PSG11: variants seen among roughly 807,000 people sequenced by gnomAD.
PSG11 encodes the protein pregnancy-specific beta-1-glycoprotein 11.
Under a neutral mutation model 36.0 loss-of-function variants are expected in PSG11, and 42 were observed. That is an observed-to-expected ratio of 1.17 (90% CI 0.91 to 1.51). The LOEUF (loss-of-function observed/expected upper bound fraction) is 1.51, where lower values mean the gene tolerates loss of function less well. PSG11 is among the 40% of genes most tolerant of loss of function. The pLI is 0.00. For missense variants in PSG11, 558 were observed against 403.5 expected (o/e 1.38, Z -3.28); for synonymous variants, 206 against 153.5 (o/e 1.34, Z -2.53).
chr19:43,014,610 G>C, intron 4 of PSG11: 1 of 1,043,628 alleles, frequency 9.6e-7, no homozygotes, highest in African/African-American at 1.7e-5. Context: ...AGTGAGGCAG[G>C]GCCAGTCACC....
chr19:43,026,177 G>C, intron 1 of PSG11, 132 bp downstream of exon 1: 1 of 1,388,090 alleles, frequency 7.2e-7, no homozygotes. Flanking sequence ...TCCTGATCTC[G>C]TGATCCACCC....
Position 43,026,433 on chromosome 19 carries a change from G to GA in PSG11, c.-62dup. On this transcript the variant is annotated 5_prime_UTR_variant, in exon 1 of 6. Coordinates refer to ENST00000320078, the MANE Select transcript of PSG11 (RefSeq NM_002785.3). ...TGAGCCTAGGATCCAGAAGCTTCCAGAGCACGGCTGTCAGCTGTGCTGTCC... is the reference window on the plus strand; with the variant it reads ...TGAGCCTAGGATCCAGAAGCTTCCAGAAGCACGGCTGTCAGCTGTGCTGTCC... 1 of 1,590,356 alleles carries GA rather than the reference G, an allele frequency of 6.3e-7. No individual in the cohort carries two copies. Among genetic ancestry groups the GA allele is most frequent in the South Asian group, 1.1e-5 (1 of 89,708 alleles).
Position 43,019,177 on chromosome 19 carries a change from G to A in PSG11, c.431-129C>T, listed in dbSNP as rs987883638. On this transcript the variant is annotated intron_variant, in intron 2 of 5. Coordinates refer to ENST00000320078, the MANE Select transcript of PSG11 (RefSeq NM_002785.3). ...GTCCCTAAAAGCCCATGGCAGGTGT[G>A]TGTGTTACAACACAGATGCATGGCA... is the stretch of plus-strand genomic sequence containing the variant. The A allele has an allele frequency of 4.3e-4, 644 of 1,508,374 alleles. 10 individuals carry two copies. Among genetic ancestry groups the A allele is most frequent in the Non-Finnish European group, 5.2e-4 (590 of 1,127,328 alleles). The allele number at this position is 1,508,374 out of a possible 1,614,324, so 93.4% of individuals were successfully genotyped here. A position where few individuals can be genotyped will look rare whatever the true frequency, so the allele number is the denominator to read the frequency against.
Position 43,007,796 on chromosome 19 carries a change from A to T in PSG11, c.*287T>A, listed in dbSNP as rs1157662228. The T allele has an allele frequency of 6.0e-5, 17 of 284,430 alleles. No individual in the cohort carries two copies. In the East Asian group the frequency reaches 8.8e-4, roughly 15 times the overall value. 17.6% of individuals were successfully genotyped at this position (284,430 alleles called of 1,614,324 possible). On this transcript the variant is annotated 3_prime_UTR_variant, in exon 6 of 6. Coordinates refer to ENST00000320078, the MANE Select transcript of PSG11 (RefSeq NM_002785.3). ...ATACTTTACCAATTGCTGAAGAAAA[A>T]AATTCATAAATCTGGAGGATAAAAC...
rs1352942327 is a variant in PSG11, at chr19:43,022,474, T to G, written c.430+2217A>C. On this transcript the variant is annotated intron_variant, in intron 2 of 5. Transcript: ENST00000320078. ...AGTCCTGTGCCCCTGAAACTATCCTTGAAAATCTCTAAGCCCTGATCCACT... is the reference window on the plus strand; with the variant it reads ...AGTCCTGTGCCCCTGAAACTATCCTGGAAAATCTCTAAGCCCTGATCCACT... 1.3e-5 allele frequency among the ~76,000 whole-genome samples: 2 copies of G among 151,314 alleles called. 1 individual carries two copies. Among genetic ancestry groups the G allele is most frequent in the Non-Finnish European group, 2.9e-5 (2 of 67,868 alleles).
chr19:43,008,301 C>G (rs1345449721), intron 5 of PSG11, among the ~76,000 whole-genome samples: 1 of 151,086 alleles, frequency 6.6e-6, no homozygotes, highest in South Asian at 2.1e-4. Context: ...GAGATGGAGT[C>G]TCACTCTGTC....
chr19:43,014,158 T>A (rs1282976368), intron 4 of PSG11: 3 of 209,894 alleles, frequency 1.4e-5, no homozygotes, highest in Non-Finnish European at 2.5e-5. Flanking sequence ...AGGTTTAATA[T>A]GGTAAGAGGA....
chr19:43,024,740 T>A lies in PSG11; in HGVS notation c.381A>T (p.Arg127=), dbSNP rs1967194972. Residue 127 remains arginine, a synonymous_variant, in exon 2 of 6, where the codon CGA becomes CGT. Transcript: ENST00000320078. ...CAGTTACTCCTCTAGTCCCATCACC[T>A]CGCTTTATGATGTGTAAGGTGTAGG... The part of the protein sequence containing the change: ...AGSYTLHIIK[R]GDGTRGVTGY... The A allele has an allele frequency of 1.2e-6, 2 of 1,611,720 alleles. No individual in the cohort carries two copies. Among genetic ancestry groups the A allele is most frequent in the Middle Eastern group, 3.3e-4 (2 of 6,056 alleles).
At chr19:43,009,501 G>T (rs1012628126) in intron 5 of PSG11, among the ~76,000 whole-genome samples, 2 of 151,198 alleles carry the variant, frequency 1.3e-5, no homozygotes, top group Non-Finnish European at 2.9e-5. Context: ...TTATCAAATA[G>T]GCTAGTGTAT....
Position 43,024,978 on chromosome 19 carries a change from C to G in PSG11, c.143G>C (p.Gly48Ala). The G allele has an allele frequency of 6.2e-7, 1 of 1,611,496 alleles. No individual in the cohort carries two copies. The highest frequency in any genetic ancestry group is 8.5e-7 in the Non-Finnish European group (1 of 1,178,854). The change falls in exon 2 of 6, where the codon GGG becomes GCG. Residue 48 changes from glycine to alanine, a missense_variant. By Grantham distance (60) the Gly-to-Ala change is moderately conservative. Transcript: ENST00000320078. ...GTGGACAAGTAGAAGAACATCCTTC[C>G]CCTCGGACACTTTGGGTGGCTGGGC... ...IEAQPPKVSE[G>A]KDVLLLVHNL... is the part of the protein sequence containing the mutation.
At chr19:43,015,624 T>C in intron 3 of PSG11, 1 of 1,468,542 alleles carries the variant, frequency 6.8e-7, no homozygotes, top group Non-Finnish European at 9.1e-7. Context: ...CTACCCAAGT[T>C]TTCCCAGGGC....
At position 43,014,519 on chromosome 19, in the gene PSG11, G is replaced by C. The variant is rs1014204356; in HGVS notation, c.964+597C>G. 2.2e-5 allele frequency: 22 copies of C among 980,202 alleles called. 1 individual carries two copies. Among genetic ancestry groups the C allele is most frequent in the African/African-American group, 1.4e-4 (8 of 56,484 alleles). 60.7% of individuals were successfully genotyped at this position (980,202 alleles called of 1,614,324 possible). A position where few individuals can be genotyped will look rare whatever the true frequency, so the allele number is the denominator to read the frequency against. Reference sequence around the variant, plus strand: ...GCCTGGCCCGGGGGAGGCTTGGCTTGAACTGGCAGCTCAATTTAGCCAAAT... The same window carrying C: ...GCCTGGCCCGGGGGAGGCTTGGCTTCAACTGGCAGCTCAATTTAGCCAAAT... On this transcript the variant is annotated intron_variant, in intron 4 of 5. Transcript: ENST00000320078.
chr19:43,020,366 GA>G (rs1967073712), intron 2 of PSG11, among the ~76,000 whole-genome samples: 3 of 151,324 alleles, frequency 2.0e-5, no homozygotes, highest in Non-Finnish European at 4.4e-5. Context: ...TCAGTGGTCA[GA>G]AGTGTAAAGT....
intron 4 of PSG11, among the ~76,000 whole-genome samples, chr19:43,012,278 A>T (rs1291717429): frequency 6.6e-6 from 1 of 151,456 alleles, no homozygotes; most frequent in East Asian, 1.9e-4. Context: ...TATTCAACAT[A>T]GTATTGAAAG....
At chr19:43,015,643 A>G (rs903498082) in intron 3 of PSG11, 3 of 1,512,672 alleles carry the variant, frequency 2.0e-6, no homozygotes, top group African/African-American at 2.8e-5. Flanking sequence ...GCAGGGAGTC[A>G]TGGCCACCTC....
At chr19:43,016,866 G>T (rs1018629366) in intron 3 of PSG11, among the ~76,000 whole-genome samples, 1 of 151,552 alleles carries the variant, frequency 6.6e-6, no homozygotes, top group Non-Finnish European at 1.5e-5. Flanking sequence ...ATTTGCAAAT[G>T]CAGAACTGAC....
intron 2 of PSG11, chr19:43,019,553 A>C (rs1161644075): frequency 1.2e-5 from 2 of 164,678 alleles, no homozygotes; most frequent in African/African-American, 4.9e-5. Flanking sequence ...GGGACTGGGT[A>C]CTTCAGCAGA....
intron 4 of PSG11, 197 bp from the exon 5 acceptor site, chr19:43,010,238 T>A: frequency 6.9e-7 from 1 of 1,454,874 alleles, no homozygotes; most frequent in Non-Finnish European, 9.1e-7. Flanking sequence ...CAGTTGGTGA[T>A]CAGTCCTCTG....
In PSG11 at chr19:43,026,366, G is replaced by A. The variant is rs771500183; in HGVS notation, c.7C>T (p.Pro3Ser). Reference protein sequence around the residue: MGPLSAPPCTEHI... With the variant: MGSLSAPPCTEHI... The stretch of plus-strand genomic sequence containing the variant: ...TCTGTGCAGGGAGGGGCTGAGAGGG[G>A]CCCCATGATCTCTGCTGCGTGCATG... The change falls in exon 1 of 6, where the codon CCC becomes TCC. Residue 3 changes from proline to serine, a missense_variant. Physicochemically the swap from Pro to Ser is moderately conservative, Grantham distance 74. Transcript: ENST00000320078. 8 of 1,609,986 alleles carry A rather than the reference G, an allele frequency of 5.0e-6. No homozygotes were observed. Among genetic ancestry groups the A allele is most frequent in the South Asian group, 1.1e-5 (1 of 90,800 alleles).
Sources: allele counts gnomAD v4.1 joint callset (sites outside exome capture counted in the v4.1 genomes callset), GRCh38; gene constraint gnomAD v4.1.1; transcripts MANE v1.5; gene names NCBI Gene and HGNC (gene_info 2026-07-23, HGNC 2026-07-21).